The following IL2RA variants were observed in gnomAD, a reference collection of about 807,000 sequenced individuals.
The protein encoded by IL2RA is interleukin 2 receptor subunit alpha, also known as interleukin-2 receptor subunit alpha.
IL2RA carries 24 observed loss-of-function variants against 37.8 expected under a neutral mutation model. That is an observed-to-expected ratio of 0.63 (90% CI 0.46 to 0.89). IL2RA has a LOEUF of 0.89. IL2RA is among the 40% of genes least tolerant of loss of function. IL2RA has a pLI of 0.00. For missense variants in IL2RA, 319 were observed against 348.6 expected, an observed-to-expected ratio of 0.92 and a Z score of 0.68; for synonymous variants, 125 against 114.6, an observed-to-expected ratio of 1.09 and a Z score of -0.58.
At chr10:6,019,776 G>T (rs1839350956) in intron 5 of IL2RA, 94 bp downstream of exon 5, 1 of 1,189,138 alleles carries the variant, frequency 8.4e-7, no homozygotes, top group Non-Finnish European at 1.3e-6. Flanking sequence ...CTCCCCTACA[G>T]GTCACCTCCG....
intron 1 of IL2RA, among the ~76,000 whole-genome samples, chr10:6,051,584 A>C (rs1361512774): frequency 2.1e-5 from 3 of 144,090 alleles, no homozygotes; most frequent in Non-Finnish European, 1.5e-5. Context: ...CAGTGGCTCA[A>C]TCTCGGCTCA....
Position 6,019,899 on chromosome 10 carries a change from C to A in IL2RA, c.626G>T (p.Ser209Ile). The change falls in exon 5 of 8, where the codon AGT becomes ATT. Residue 209 changes from serine (S) to isoleucine (I), a missense_variant. Ser to Ile is a moderately radical substitution (Grantham distance 142). Transcript: ENST00000379959. The stretch of plus-strand genomic sequence containing the variant: ...TGTTGTGACGAGGCAGGAAGTCTCA[C>A]TCTCAGGACGGCCTTCGGGGCTTGC... ...PQASPEGRPE[S>I]ETSCLVTTTD... 6.2e-7 allele frequency: 1 copy of A among 1,614,194 alleles called. No homozygotes were observed. The highest frequency in any genetic ancestry group is 8.5e-7 in the Non-Finnish European group (1 of 1,180,002).
chr10:6,019,976 A>C (rs1297577554), intron 4 of IL2RA, 35 bp from the exon 5 acceptor site: 2 of 1,581,100 alleles, frequency 1.3e-6, no homozygotes, highest in Admixed American at 3.3e-5. Context: ...GGTGGAGCTA[A>C]ACACAGGAGT....
Position 6,055,700 on chromosome 10 carries a change from C to T in IL2RA, c.64+6388G>A, listed in dbSNP as rs371647125. ...AAGCCGCCATTGTCATCCTGGCCCGCTCTCAATGAGCTGTTGGGCACACCT... is the reference window on the plus strand; with the variant it reads ...AAGCCGCCATTGTCATCCTGGCCCGTTCTCAATGAGCTGTTGGGCACACCT... On this transcript the variant is annotated intron_variant, in intron 1 of 7. Transcript: ENST00000379959. 4.2e-4 allele frequency among the ~76,000 whole-genome samples: 13 copies of T among 31,236 alleles called. 4 individuals carry two copies. Among genetic ancestry groups the T allele is most frequent in the African/African-American group, 6.2e-4 (11 of 17,606 alleles). 20.5% of individuals were successfully genotyped at this position (31,236 alleles called of 152,430 possible). A position where few individuals can be genotyped will look rare whatever the true frequency, so the allele number is the denominator to read the frequency against.
chr10:6,024,631 G>A (rs1183424483), intron 2 of IL2RA, among the ~76,000 whole-genome samples: 3 of 152,254 alleles, frequency 2.0e-5, no homozygotes, highest in Admixed American at 6.5e-5. Context: ...TGTATGCCAT[G>A]TATGTTACGT....
At chr10:6,038,918 G>A (rs1384841930) in intron 1 of IL2RA, among the ~76,000 whole-genome samples, 1 of 152,190 alleles carries the variant, frequency 6.6e-6, no homozygotes, top group East Asian at 1.9e-4. Flanking sequence ...AAAGAAGGGG[G>A]AAATGCATAG....
chr10:6,013,721 C>T (rs1024613515), intron 7 of IL2RA, among the ~76,000 whole-genome samples: 7 of 151,894 alleles, frequency 4.6e-5, no homozygotes, highest in African/African-American at 9.7e-5. Context: ...AACCACCCAG[C>T]GAACAAAGAT....
At chr10:6,049,046 A>G (rs988190434) in intron 1 of IL2RA, among the ~76,000 whole-genome samples, 1 of 152,266 alleles carries the variant, frequency 6.6e-6, no homozygotes, top group Non-Finnish European at 1.5e-5. Flanking sequence ...TAGATAAATA[A>G]GAGAATATTT....
In IL2RA at chr10:6,048,863, C is replaced by T. The variant is rs1171743681; in HGVS notation, c.64+13225G>A. On this transcript the variant is annotated intron_variant, in intron 1 of 7. Coordinates refer to ENST00000379959, the MANE Select transcript of IL2RA (RefSeq NM_000417.3). The surrounding 1 kb of genome is among the most constrained non-coding windows in gnomAD (Gnocchi z 5.3). ...AGTGACATGGGGAGACTCCAAGACA[C>T]AGCTCATGCCCAACTTCAAAATCTC... is the stretch of plus-strand genomic sequence containing the variant. Among the ~76,000 whole-genome samples the T allele has an allele frequency of 1.3e-5, 2 of 152,236 alleles. No homozygotes were observed. Among genetic ancestry groups the T allele is most frequent in the Non-Finnish European group, 2.9e-5 (2 of 68,042 alleles).
rs1225809059 is a variant in IL2RA at position 6,021,255 on chromosome 10, C to A, written c.583+223G>T. ...TCTGTCTCCAACCTTTCTCCCCACT[C>A]AGGGCACAGGGGGACCTTCATTGAA... On this transcript the variant is annotated intron_variant, in intron 4 of 7. Transcript: ENST00000379959. This position sits in a 1 kb window ranked among gnomAD's most constrained non-coding sequence, Gnocchi z 4.9. Among the ~76,000 whole-genome samples the A allele has an allele frequency of 6.6e-6, 1 of 152,078 alleles. No homozygotes were observed. The highest frequency in any genetic ancestry group is 2.4e-5 in the African/African-American group (1 of 41,388).
Position 6,021,472 on chromosome 10 carries a change from C to T in IL2RA, c.583+6G>A. On this transcript the variant is annotated splice_donor_region_variant and intron_variant, in intron 4 of 7. Coordinates refer to ENST00000379959, the MANE Select transcript of IL2RA (RefSeq NM_000417.3). The surrounding 1 kb of genome is among the most constrained non-coding windows in gnomAD (Gnocchi z 4.9). ...CATTGTGGACCCCAGAAGGGAGCCA[C>T]CCTACCTGGAAACTGACTGGTCTCC... 6.2e-7 allele frequency: 1 copy of T among 1,612,530 alleles called. No individual in the cohort carries two copies. The highest frequency in any genetic ancestry group is 8.5e-7 in the Non-Finnish European group (1 of 1,179,150).
At chr10:6,052,301 A>C (rs1262443426) in intron 1 of IL2RA, among the ~76,000 whole-genome samples, 1 of 152,090 alleles carries the variant, frequency 6.6e-6, no homozygotes, top group Non-Finnish European at 1.5e-5. Flanking sequence ...TGCAGGGGTA[A>C]TGAACATCGA....
rs1019039243 is a variant in IL2RA at position 6,046,696 on chromosome 10, T to C, written c.64+15392A>G. On this transcript the variant is annotated intron_variant, in intron 1 of 7. Transcript: ENST00000379959. The surrounding 1 kb of genome is among the most constrained non-coding windows in gnomAD (Gnocchi z 4.8). The stretch of plus-strand genomic sequence containing the variant: ...AATACAGGCTTGCATTTCTCCAGAG[T>C]TCCTTGAAAGCATTGGTGCTCAACT... Among the ~76,000 whole-genome samples, 1 of 152,190 alleles carries C rather than the reference T, an allele frequency of 6.6e-6. No homozygotes were observed. Among genetic ancestry groups the C allele is most frequent in the Non-Finnish European group, 1.5e-5 (1 of 68,032 alleles).
intron 1 of IL2RA, among the ~76,000 whole-genome samples, chr10:6,061,564 C>T (rs1322049639): frequency 6.6e-6 from 1 of 152,032 alleles, no homozygotes; most frequent in Non-Finnish European, 1.5e-5. Flanking sequence ...AAGGAAATTC[C>T]TAGGTGTTAT....
At chr10:6,055,884 G>GCCGA (rs1840037299) in intron 1 of IL2RA, among the ~76,000 whole-genome samples, 1 of 2,810 alleles carries the variant, frequency 3.6e-4, no homozygotes, top group African/African-American at 5.3e-4. Flanking sequence ...GGGCAGAGGG[G>GCCGA]CTCCTCACTT....
Position 6,018,059 on chromosome 10 carries a change from C to G in IL2RA, c.788G>C (p.Arg263Pro). The change falls in exon 7 of 8, where the codon CGG (arginine) becomes CCG (proline). Residue 263 changes from arginine to proline, a missense_variant. Physicochemically the swap from Arg to Pro is moderately radical, Grantham distance 103. Coordinates refer to ENST00000379959, the MANE Select transcript of IL2RA (RefSeq NM_000417.3). This position sits in a 1 kb window ranked among gnomAD's most constrained non-coding sequence, Gnocchi z 5.1. ...VLLLSGLTWQ[R>P]RQRKSRRTI ...TTGGTGATGCCACACTTACTGTCTC[C>G]GCTGCCAGGTGAGCCCACTCAGGAG... 2 of 1,613,626 alleles carry G rather than the reference C, an allele frequency of 1.2e-6. No individual in the cohort carries two copies. The highest frequency in any genetic ancestry group is 2.2e-5 in the South Asian group (2 of 91,026).
intron 1 of IL2RA, among the ~76,000 whole-genome samples, chr10:6,042,160 A>AAAAAAAAAAAAAAAAAAAAAAG: frequency 6.8e-6 from 1 of 147,662 alleles, no homozygotes; most frequent in Non-Finnish European, 1.5e-5. Context: ...AAAAAAAAAA[A>AAAAAAAAAAAAAAAAAAAAAAG]AAAAAAAATT....
chr10:6,047,664 AATAT>A lies in IL2RA; in HGVS notation c.64+14420_64+14423del, dbSNP rs533299556. Among the ~76,000 whole-genome samples the A allele has an allele frequency of 5.3e-3, 799 of 150,128 alleles. 7 individuals carry two copies. Among genetic ancestry groups the A allele is most frequent in the Non-Finnish European group, 8.9e-3 (603 of 67,614 alleles). On this transcript the variant is annotated intron_variant, in intron 1 of 7. Coordinates refer to ENST00000379959, the MANE Select transcript of IL2RA (RefSeq NM_000417.3). This position sits in a 1 kb window ranked among gnomAD's most constrained non-coding sequence, Gnocchi z 5.0. ...AAATACAATAAAGTATATAAATATAAATATATAATAAATGAAATATATAAAATAC... is the reference window on the plus strand; with the variant it reads ...AAATACAATAAAGTATATAAATATAAATAATAAATGAAATATATAAAATAC...
chr10:6,030,610 A>G (rs1039871015), intron 1 of IL2RA, among the ~76,000 whole-genome samples: 1 of 152,246 alleles, frequency 6.6e-6, no homozygotes, highest in African/African-American at 2.4e-5. Context: ...AGAATTTATT[A>G]TGGCACATCT....
Sources: gnomAD v4.1 joint callset for allele counts (sites outside exome capture counted in the v4.1 genomes callset) on GRCh38, gnomAD v4.1.1 for gene constraint, Gnocchi (gnomAD v3.1) non-coding constraint, MANE v1.5 for transcripts, NCBI Gene and HGNC (gene_info 2026-07-23, HGNC 2026-07-21) for gene names.